Variants in CCDC91 observed in about 807,000 individuals in gnomAD.
The protein encoded by CCDC91 is coiled-coil domain-containing protein 91.
In CCDC91, 48 loss-of-function variants were observed where a neutral mutation model predicts 63.2. The observed-to-expected ratio is 0.76, with a 90% confidence interval of 0.60 to 0.97. CCDC91 has a LOEUF of 0.97. Among genes scored for constraint, CCDC91 ranks in the 50% least tolerant of loss-of-function variants. The pLI is 0.00. For missense variants in CCDC91, 500 were observed against 494.6 expected (o/e 1.01, Z -0.10); for synonymous variants, 167 against 165.8 (o/e 1.01, Z -0.06).
rs557572188 is a variant in CCDC91 at position 28,194,729 on chromosome 12, G to A, written c.-15+4088G>A. Among the ~76,000 whole-genome samples the A allele has an allele frequency of 5.9e-4, 90 of 152,128 alleles. 1 individual carries two copies. Among genetic ancestry groups the A allele is most frequent in the African/African-American group, 2.0e-3 (83 of 41,496 alleles). On this transcript the variant is annotated intron_variant, in intron 1 of 12. Transcript: ENST00000536442. ...GAGTGTTACAGCTCATAGAGGTGGC[G>A]TGTCCTGAGTTGTTTGTTCCTCCCA...
At chr12:28,524,793 C>G (rs546461815) in intron 12 of CCDC91, among the ~76,000 whole-genome samples, 1 of 151,730 alleles carries the variant, frequency 6.6e-6, no homozygotes, top group Non-Finnish European at 1.5e-5. Flanking sequence ...TTGGTCTGTT[C>G]TAAGTATCTA....
chr12:28,499,210 A>G (rs979996189), intron 12 of CCDC91, among the ~76,000 whole-genome samples: 1 of 151,624 alleles, frequency 6.6e-6, no homozygotes, highest in Non-Finnish European at 1.5e-5. Flanking sequence ...CAATCCTTGA[A>G]TGTAGTAAAT....
rs557094453 is a variant in CCDC91 at position 28,451,611 on chromosome 12, A to G, written c.925-867A>G. On this transcript the variant is annotated intron_variant, in intron 10 of 12. Transcript: ENST00000536442. The stretch of plus-strand genomic sequence containing the variant: ...TTATGATATACAGAAATGTGTCAGC[A>G]TCTGGAGAAGACATGTAACTCAGTG... 5.3e-5 allele frequency among the ~76,000 whole-genome samples: 8 copies of G among 151,838 alleles called. No homozygotes were observed. The East Asian group carries it at 1.5e-3, about 29-fold the overall frequency.
chr12:28,509,565 G>A (rs1209796139), intron 12 of CCDC91, among the ~76,000 whole-genome samples: 6 of 151,650 alleles, frequency 4.0e-5, no homozygotes, highest in Non-Finnish European at 8.8e-5. Flanking sequence ...GACTTAAAGG[G>A]TTTTATTTAT....
At chr12:28,400,053 A>G (rs1325250803) in intron 8 of CCDC91, among the ~76,000 whole-genome samples, 1 of 152,180 alleles carries the variant, frequency 6.6e-6, no homozygotes, top group African/African-American at 2.4e-5. Context: ...CTGACCCCAC[A>G]GTTTCCTTCC....
Position 28,294,233 on chromosome 12 carries a change from G to A in CCDC91, c.110-11416G>A, listed in dbSNP as rs902302325. Among the ~76,000 whole-genome samples the A allele has an allele frequency of 4.6e-5, 7 of 152,078 alleles. No individual in the cohort carries two copies. In the East Asian group the frequency reaches 9.6e-4, roughly 21 times the overall value. ...TACCAGGTCAATGACAGTTCTCTCC[G>A]CTTTTTTCATTTCACTTAACAGAAA... On this transcript the variant is annotated intron_variant, in intron 3 of 12. Transcript: ENST00000536442.
intron 8 of CCDC91, among the ~76,000 whole-genome samples, chr12:28,394,866 AT>A (rs1946193857): frequency 6.6e-6 from 1 of 151,988 alleles, no homozygotes; most frequent in African/African-American, 2.4e-5. Context: ...TCTGTGCCTC[AT>A]TTTTTTCCTC....
At chr12:28,326,339 A>G (rs1209758008) in intron 6 of CCDC91, among the ~76,000 whole-genome samples, 1 of 151,832 alleles carries the variant, frequency 6.6e-6, no homozygotes, top group African/African-American at 2.4e-5. Flanking sequence ...CTTATAGCAA[A>G]TTTAATGTTT....
intron 12 of CCDC91, among the ~76,000 whole-genome samples, chr12:28,504,504 A>G (rs964107584): frequency 2.0e-5 from 3 of 151,930 alleles, no homozygotes; most frequent in African/African-American, 7.2e-5. Flanking sequence ...TTCTGTCTCC[A>G]CTTCCCTCAT....
intron 11 of CCDC91, among the ~76,000 whole-genome samples, chr12:28,478,101 G>A (rs1219996349): frequency 6.6e-6 from 1 of 152,048 alleles, no homozygotes; most frequent in African/African-American, 2.4e-5. Context: ...CACAGAATTG[G>A]AAGGAACTAC....
intron 12 of CCDC91, among the ~76,000 whole-genome samples, chr12:28,527,648 G>C (rs1457057695): frequency 6.6e-6 from 1 of 152,104 alleles, no homozygotes; most frequent in Non-Finnish European, 1.5e-5. Context: ...TGGTAGGTGG[G>C]GCCCCATAAC....
intron 3 of CCDC91, among the ~76,000 whole-genome samples, chr12:28,288,448 TGA>T (rs977566862): frequency 1.3e-5 from 2 of 152,172 alleles, no homozygotes; most frequent in African/African-American, 4.8e-5. Context: ...TTGCATCTAT[TGA>T]GATAATCATG....
chr12:28,379,979 G>A (rs899401202), intron 7 of CCDC91, among the ~76,000 whole-genome samples: 1 of 152,130 alleles, frequency 6.6e-6, no homozygotes, highest in Non-Finnish European at 1.5e-5. Context: ...TATACACAAT[G>A]GAATACTATG....
chr12:28,457,476 T>C (rs1254579988), intron 11 of CCDC91, among the ~76,000 whole-genome samples: 1 of 149,138 alleles, frequency 6.7e-6, no homozygotes, highest in African/African-American at 2.5e-5. Context: ...AATGATCTAG[T>C]ATGGCAACAC....
At chr12:28,266,691 T>C (rs1947208533) in intron 3 of CCDC91, among the ~76,000 whole-genome samples, 1 of 151,994 alleles carries the variant, frequency 6.6e-6, no homozygotes, top group African/African-American at 2.4e-5. Context: ...CTGAATTTGC[T>C]TTTTAAGGAC....
chr12:28,202,258 C>T (rs1238569434), intron 1 of CCDC91, among the ~76,000 whole-genome samples: 5 of 152,112 alleles, frequency 3.3e-5, no homozygotes, highest in Admixed American at 2.6e-4. Context: ...AGTCCAATGT[C>T]TGGGCTTCCT....
intron 1 of CCDC91, among the ~76,000 whole-genome samples, chr12:28,218,369 C>G (rs1245577718): frequency 6.6e-6 from 1 of 151,862 alleles, no homozygotes; most frequent in East Asian, 1.9e-4. Context: ...TTCATTACTT[C>G]TTTCTGTATA....
intron 7 of CCDC91, among the ~76,000 whole-genome samples, chr12:28,390,032 A>T (rs1266785989): frequency 1.2e-4 from 19 of 152,030 alleles, no homozygotes; most frequent in Admixed American, 1.2e-3. Flanking sequence ...TTTTGATAAA[A>T]CTCAGAGCTT....
At chr12:28,484,350 A>G in intron 12 of CCDC91, 185 bp downstream of exon 12, 1 of 315,968 alleles carries the variant, frequency 3.2e-6, no homozygotes, top group Non-Finnish European at 5.8e-6. Context: ...CATAAATCCC[A>G]TCTGTCAGCA....
Sources: allele counts gnomAD v4.1 joint callset (sites outside exome capture counted in the v4.1 genomes callset), GRCh38; gene constraint gnomAD v4.1.1; transcripts MANE v1.5; gene names NCBI Gene and HGNC (gene_info 2026-07-23, HGNC 2026-07-21).